Variants in GRIK1 observed in about 807,000 individuals in gnomAD.
GRIK1 encodes glutamate ionotropic receptor kainate type subunit 1.
GRIK1 carries 69 observed loss-of-function variants against 105.7 expected under a neutral mutation model. The observed-to-expected ratio is 0.65, with a 90% CI of 0.54 to 0.80. GRIK1 has a LOEUF of 0.80. Ranked by LOEUF, GRIK1 falls within the 30% of genes least tolerant of loss-of-function variation. GRIK1 has a pLI of 0.00. For synonymous variants in GRIK1, 438 were observed against 431.3 expected, an observed-to-expected ratio of 1.02 and a Z score of -0.19; for missense variants, 1,109 against 1,167.3, an observed-to-expected ratio of 0.95 and a Z score of 0.73.
At chr21:29,897,122 C>A (rs912852794) in intron 1 of GRIK1, among the ~76,000 whole-genome samples, 1 of 152,150 alleles carries the variant, frequency 6.6e-6, no homozygotes, top group African/African-American at 2.4e-5. Context: ...ACAATCTCGA[C>A]CTGATAATTT....
At chr21:29,936,650 CTT>C (rs956956419) in intron 1 of GRIK1, among the ~76,000 whole-genome samples, 20 of 152,322 alleles carry the variant, frequency 1.3e-4, no homozygotes, top group African/African-American at 4.1e-4. Flanking sequence ...TTCTCTGTCT[CTT>C]AACTGTTGCA....
intron 1 of GRIK1, among the ~76,000 whole-genome samples, chr21:29,858,655 T>A (rs2068539197): frequency 6.6e-6 from 1 of 152,070 alleles, no homozygotes; most frequent in South Asian, 2.1e-4. Flanking sequence ...TTTCGGGAGC[T>A]AAGGGGCTGC....
intron 2 of GRIK1, 126 bp downstream of exon 2, chr21:29,693,770 C>T: frequency 5.8e-6 from 4 of 692,564 alleles, no homozygotes; most frequent in South Asian, 5.4e-5. Flanking sequence ...CATCGAAGAC[C>T]CAGATTTCCC....
chr21:29,545,051 C>T (rs2090029531), intron 16 of GRIK1, among the ~76,000 whole-genome samples: 1 of 152,230 alleles, frequency 6.6e-6, no homozygotes, highest in Non-Finnish European at 1.5e-5. Flanking sequence ...GCCATCAGGC[C>T]AGCCTGAAAC....
At chr21:29,744,908 A>C (rs902713954) in intron 1 of GRIK1, among the ~76,000 whole-genome samples, 4 of 152,216 alleles carry the variant, frequency 2.6e-5, no homozygotes, top group African/African-American at 7.2e-5. Context: ...AAGTCGGCTT[A>C]GAGAAACGTA....
At chr21:29,693,507 A>G (rs1285005427) in intron 2 of GRIK1, among the ~76,000 whole-genome samples, 2 of 152,158 alleles carry the variant, frequency 1.3e-5, no homozygotes, top group African/African-American at 2.4e-5. Flanking sequence ...GGTGTGAGTT[A>G]TGTGTGTCCT....
At chr21:29,852,409 C>T (rs1318028123) in intron 1 of GRIK1, among the ~76,000 whole-genome samples, 1 of 152,176 alleles carries the variant, frequency 6.6e-6, no homozygotes, top group Non-Finnish European at 1.5e-5. Context: ...AAAATTCAGA[C>T]TAAAATCTAT....
At position 29,914,826 on chromosome 21, in the gene GRIK1, A is replaced by T. The variant is rs568445943; in HGVS notation, c.118+24557T>A. 2.6e-5 allele frequency among the ~76,000 whole-genome samples: 4 copies of T among 152,170 alleles called. No individual in the cohort carries two copies. In the South Asian group the frequency reaches 8.3e-4, roughly 32 times the overall value. On this transcript the variant is annotated intron_variant, in intron 1 of 17. Coordinates refer to ENST00000327783, the MANE Select transcript of GRIK1 (RefSeq NM_001330994.2). ...TTGAGTGTTTTGTGGGTGCAAAAAA[A>T]ATAAGCCCTTGTGGCTGTAAGCCAT...
intron 1 of GRIK1, among the ~76,000 whole-genome samples, chr21:29,809,419 C>T (rs909062216): frequency 6.6e-6 from 1 of 152,150 alleles, no homozygotes; most frequent in Non-Finnish European, 1.5e-5. Flanking sequence ...TGCTTTATTG[C>T]TTAAAAATGC....
intron 5 of GRIK1, 131 bp downstream of exon 5, chr21:29,654,679 A>T: frequency 1.6e-6 from 1 of 639,472 alleles, no homozygotes; most frequent in Non-Finnish European, 2.8e-6. Flanking sequence ...CTGGATTTAG[A>T]GGATTCTTAG....
chr21:29,709,280 T>TC lies in GRIK1; in HGVS notation c.119-15218_119-15217insG, dbSNP rs200361877. Reference sequence around the variant, plus strand: ...TATAGGATCCATTTACTCTTCTTCTTTTTTTTTTTTTTTTTTTTGAGACAG... The same window carrying TC: ...TATAGGATCCATTTACTCTTCTTCTTCTTTTTTTTTTTTTTTTTTGAGACAG... On this transcript the variant is annotated intron_variant, in intron 1 of 17. Coordinates refer to ENST00000327783, the MANE Select transcript of GRIK1 (RefSeq NM_001330994.2). 3.5e-3 allele frequency among the ~76,000 whole-genome samples: 494 copies of TC among 140,862 alleles called. 4 individuals are homozygous for TC. Among genetic ancestry groups the TC allele is most frequent in the African/African-American group, 0.013 (471 of 36,950 alleles). The allele number at this position is 140,862 out of a possible 152,430, so 92.4% of individuals were successfully genotyped here.
intron 1 of GRIK1, among the ~76,000 whole-genome samples, chr21:29,890,582 A>C (rs1364651358): frequency 6.6e-6 from 1 of 152,162 alleles, no homozygotes; most frequent in Non-Finnish European, 1.5e-5. Context: ...AAGATATAAT[A>C]ACACATGTTG....
At chr21:29,854,185 G>A (rs1445664922) in intron 1 of GRIK1, among the ~76,000 whole-genome samples, 1 of 152,152 alleles carries the variant, frequency 6.6e-6, no homozygotes, top group African/African-American at 2.4e-5. Context: ...TGCATCACAT[G>A]GCAAGAGAGG....
intron 12 of GRIK1, 95 bp downstream of exon 12, chr21:29,587,271 C>T (rs1369624162): frequency 8.7e-6 from 6 of 689,470 alleles, no homozygotes; most frequent in South Asian, 2.0e-5. Flanking sequence ...ACTAAAAGTA[C>T]ACTTTAAAGT....
intron 2 of GRIK1, among the ~76,000 whole-genome samples, chr21:29,692,355 G>T (rs145146602): frequency 6.6e-6 from 1 of 152,086 alleles, no homozygotes; most frequent in Non-Finnish European, 1.5e-5. Context: ...AAGAGAGAGC[G>T]ATGAGAGAAA....
At chr21:29,771,765 G>T (rs980808844) in intron 1 of GRIK1, among the ~76,000 whole-genome samples, 1 of 152,162 alleles carries the variant, frequency 6.6e-6, no homozygotes, top group Non-Finnish European at 1.5e-5. Flanking sequence ...GCACCTTTTG[G>T]CTATACCAGT....
At chr21:29,600,378 T>A (rs1207150263) in intron 7 of GRIK1, among the ~76,000 whole-genome samples, 3 of 152,188 alleles carry the variant, frequency 2.0e-5, no homozygotes, top group African/African-American at 4.8e-5. Flanking sequence ...TGGGTATCTC[T>A]GGTGGTTTTA....
chr21:29,789,081 T>TG (rs2066340749), intron 1 of GRIK1, among the ~76,000 whole-genome samples: 2 of 152,244 alleles, frequency 1.3e-5, no homozygotes, highest in Non-Finnish European at 2.9e-5. Flanking sequence ...GTGGCTATGT[T>TG]AAACCTTACC....
Position 29,923,810 on chromosome 21 carries a change from C to T in GRIK1, c.118+15573G>A, listed in dbSNP as rs186737296. 1.5e-3 allele frequency among the ~76,000 whole-genome samples: 226 copies of T among 152,194 alleles called. 1 individual carries two copies. Among genetic ancestry groups the T allele is most frequent in the Non-Finnish European group, 2.8e-3 (190 of 68,002 alleles). On this transcript the variant is annotated intron_variant, in intron 1 of 17. Coordinates refer to ENST00000327783, the MANE Select transcript of GRIK1 (RefSeq NM_001330994.2). ...CAATAGTCCCGTTAGATAAAATAGGCTTTTCTAAGAGGAGATGATTAGGAT... is the reference window on the plus strand; with the variant it reads ...CAATAGTCCCGTTAGATAAAATAGGTTTTTCTAAGAGGAGATGATTAGGAT...
Sources: allele counts gnomAD v4.1 joint callset (sites outside exome capture counted in the v4.1 genomes callset), GRCh38; gene constraint gnomAD v4.1.1; transcripts MANE v1.5; gene names NCBI Gene and HGNC (gene_info 2026-07-23, HGNC 2026-07-21).